Variants in PFKFB3 observed in about 807,000 individuals in gnomAD.
The protein encoded by PFKFB3 is 6-phosphofructo-2-kinase/fructose-2,6-bisphosphatase 3.
In PFKFB3, 33 loss-of-function variants were observed where a neutral mutation model predicts 68.0. The observed-to-expected ratio is 0.49, with a 90% confidence interval of 0.37 to 0.65. The LOEUF is 0.65. Among genes scored for constraint, PFKFB3 ranks in the 30% least tolerant of loss-of-function variants. The probability of loss-of-function intolerance (pLI) is 0.00; values close to 1 mark genes in which losing one functional copy is unlikely to be tolerated. For missense variants in PFKFB3, 586 were observed against 712.2 expected (o/e 0.82, Z 2.02); for synonymous variants, 315 against 288.2 (o/e 1.09, Z -0.94).
chr10:6,171,910 G>A (rs948444929), intron 1 of PFKFB3, among the ~76,000 whole-genome samples: 1 of 152,236 alleles, frequency 6.6e-6, no homozygotes, highest in African/African-American at 2.4e-5. Flanking sequence ...TGGAGATGGC[G>A]TTCAGATGCA....
At chr10:6,239,055 A>T (rs930504135), downstream of PFKFB3, among the ~76,000 whole-genome samples, 12 of 152,162 alleles carry the variant, frequency 7.9e-5, no homozygotes. Flanking sequence ...TTCATGGCGG[A>T]ACAACTTGTA....
At chr10:6,170,280 G>A (rs1420300707) in intron 1 of PFKFB3, among the ~76,000 whole-genome samples, 1 of 152,214 alleles carries the variant, frequency 6.6e-6, no homozygotes, top group African/African-American at 2.4e-5. Context: ...TTTTTGGATT[G>A]TTTGGTAATC....
At chr10:6,157,360 G>A (rs1316830580) in intron 1 of PFKFB3, among the ~76,000 whole-genome samples, 3 of 151,834 alleles carry the variant, frequency 2.0e-5, no homozygotes, top group African/African-American at 7.3e-5. Flanking sequence ...CCGAGTAGCT[G>A]GGACTACAGG....
At position 6,228,196 on chromosome 10, in the gene PFKFB3, C is replaced by G; in HGVS notation, c.1515+1831C>G. ...TTCTCTCTCTGCTTCTCCTCCGCAG[C>G]CTTTGCTAGGGCAAGCCTGTCTGTA... On this transcript the variant is annotated intron_variant, in intron 14 of 14. Coordinates refer to ENST00000379775, the MANE Select transcript of PFKFB3 (RefSeq NM_004566.4). The surrounding 1 kb of genome is among the most constrained non-coding windows in gnomAD (Gnocchi z 4.5). 1.9e-6 allele frequency: 3 copies of G among 1,612,786 alleles called. No homozygotes were observed. Among genetic ancestry groups the G allele is most frequent in the South Asian group, 1.1e-5 (1 of 91,090 alleles).
At chr10:6,146,690 AGCCTTATGCG>A (rs1175087463) in intron 1 of PFKFB3, among the ~76,000 whole-genome samples, 1 of 152,228 alleles carries the variant, frequency 6.6e-6, no homozygotes, top group Non-Finnish European at 1.5e-5. Context: ...CTCAGTAGAG[AGCCTTATGCG>A]GCAAAGTATT....
the PFKFB3 span, among the ~76,000 whole-genome samples, chr10:6,324,345 G>A: frequency 6.6e-6 from 1 of 152,198 alleles, no homozygotes; most frequent in African/African-American, 2.4e-5. Context: ...GTGAAATTCT[G>A]TAGTGGGTAT....
chr10:6,212,204 G>A (rs564500791), intron 1 of PFKFB3, among the ~76,000 whole-genome samples: 1 of 152,366 alleles, frequency 6.6e-6, no homozygotes, highest in Admixed American at 6.5e-5. Context: ...GGGAGCTGGC[G>A]GGTATCATCT....
chr10:6,151,022 A>G (rs989305646), intron 1 of PFKFB3, among the ~76,000 whole-genome samples: 1 of 151,980 alleles, frequency 6.6e-6, no homozygotes, highest in Admixed American at 6.5e-5. Flanking sequence ...ACAAAAAGCA[A>G]AAATTGCCTA....
intron 13 of PFKFB3, 157 bp downstream of exon 13, chr10:6,224,370 T>C (rs923146847): frequency 3.0e-6 from 2 of 666,602 alleles, no homozygotes; most frequent in East Asian, 2.7e-5. Context: ...TCTTTGTTCC[T>C]GCCTGTCTGT....
At chr10:6,254,564 G>A in exon 15 of PFKFB3, 2 of 389,594 alleles carry the variant, frequency 5.1e-6, no homozygotes. Context: ...TTGTAGAAGT[G>A]GAAATAGTGC....
In PFKFB3 at chr10:6,213,479, C is replaced by T. The variant is rs562912071; in HGVS notation, c.77-144C>T. 105 of 890,124 alleles carry T rather than the reference C, an allele frequency of 1.2e-4. No homozygotes were observed. The African/African-American group carries it at 1.4e-3, about 12-fold the overall frequency. 55.1% of individuals were successfully genotyped at this position (890,124 alleles called of 1,614,324 possible). The stretch of plus-strand genomic sequence containing the variant: ...AGGCTGCAGTAATCATGGTGGCCAC[C>T]GTGCTCCCGCCTGGGCAACAGAGTG... On this transcript the variant is annotated intron_variant, in intron 1 of 14. Coordinates refer to ENST00000379775, the MANE Select transcript of PFKFB3 (RefSeq NM_004566.4).
rs1438802563 is a variant in PFKFB3, at chr10:6,211,223, A to G, written c.77-2400A>G. Among the ~76,000 whole-genome samples the G allele has an allele frequency of 4.0e-5, 6 of 151,758 alleles. 1 individual carries two copies. Among genetic ancestry groups the G allele is most frequent in the Admixed American group, 1.3e-4 (2 of 15,234 alleles). On this transcript the variant is annotated intron_variant, in intron 1 of 14. Coordinates refer to ENST00000379775, the MANE Select transcript of PFKFB3 (RefSeq NM_004566.4). ...TGCTGTCTTTATTGTTGTTATTGTT[A>G]TTTTCCCTCCCTAAATGTCTACTGC...
chr10:6,145,346 GCCTCCAGACCCGCGCTACCT>G (rs1054182484), intron 1 of PFKFB3, among the ~76,000 whole-genome samples: 4 of 151,484 alleles, frequency 2.6e-5, no homozygotes, highest in Admixed American at 6.6e-5. Flanking sequence ...CCCGCATTGT[GCCTCCAGACCCGCGCTACCT>G]CCTCCAGACC....
chr10:6,191,183 G>T (rs1395895164), intron 1 of PFKFB3, among the ~76,000 whole-genome samples: 1 of 152,202 alleles, frequency 6.6e-6, no homozygotes, highest in Non-Finnish European at 1.5e-5. Context: ...AACACCGAAG[G>T]CTGCCACAGG....
Position 6,154,146 on chromosome 10 carries a change from C to T in PFKFB3, c.16+9133C>T, listed in dbSNP as rs918798253. 5.3e-5 allele frequency among the ~76,000 whole-genome samples: 8 copies of T among 152,042 alleles called. No homozygotes were observed. Among genetic ancestry groups the T allele is most frequent in the Admixed American group, 1.3e-4 (2 of 15,250 alleles). ...GGACACAGGCTTAGGAAGGGAGTGG[C>T]GGCTCAGCACGTCCTCATCTCCCAT... is the stretch of plus-strand genomic sequence containing the variant. On this transcript the variant is annotated intron_variant, in intron 1 of 14. Transcript: ENST00000379789. This position sits in a 1 kb window ranked among gnomAD's most constrained non-coding sequence, Gnocchi z 4.6.
At chr10:6,179,488 A>T (rs1394279241) in intron 1 of PFKFB3, among the ~76,000 whole-genome samples, 1 of 152,038 alleles carries the variant, frequency 6.6e-6, no homozygotes, top group Non-Finnish European at 1.5e-5. Flanking sequence ...AGCATGGGGG[A>T]GGCTGTAAAA....
At chr10:6,319,563 G>T in the PFKFB3 span, among the ~76,000 whole-genome samples, 1 of 152,030 alleles carries the variant, frequency 6.6e-6, no homozygotes. Context: ...TTCACCATTT[G>T]GGTGATGGTT....
chr10:6,177,619 G>A (rs1427571974), intron 1 of PFKFB3, among the ~76,000 whole-genome samples: 1 of 149,224 alleles, frequency 6.7e-6, no homozygotes, highest in Non-Finnish European at 1.5e-5. Context: ...TCTGCCTCCC[G>A]GGTTCAAGCA....
intron 1 of PFKFB3, among the ~76,000 whole-genome samples, chr10:6,145,495 C>G (rs1200759558): frequency 6.6e-6 from 1 of 151,928 alleles, no homozygotes; most frequent in African/African-American, 2.4e-5. Context: ...ACCAGGGCTC[C>G]GGACCCGGAG....
Sources: allele counts gnomAD v4.1 joint callset (sites outside exome capture counted in the v4.1 genomes callset), GRCh38; gene constraint gnomAD v4.1.1; non-coding constraint Gnocchi (gnomAD v3.1); transcripts MANE v1.5; gene names NCBI Gene and HGNC (gene_info 2026-07-23, HGNC 2026-07-21).